ANKIB1: variants seen among roughly 807,000 people sequenced by gnomAD.
ANKIB1 encodes the protein ankyrin repeat and IBR domain-containing protein 1.
In ANKIB1, 43 loss-of-function variants were observed where a neutral mutation model predicts 122.1. The ratio of observed to expected loss-of-function variants is 0.35; its 90% CI spans 0.28 to 0.45. The LOEUF is 0.45. Among genes scored for constraint, ANKIB1 ranks in the 20% least tolerant of loss-of-function variants. The probability of loss-of-function intolerance (pLI) is 1.00; values close to 1 mark genes in which losing one functional copy is unlikely to be tolerated. For missense variants in ANKIB1, 992 were observed against 1,329.5 expected (o/e 0.75, Z 3.95); for synonymous variants, 390 against 442.0 (o/e 0.88, Z 1.48).
At chr7:92,368,544 C>T (rs1289818125) in intron 10 of ANKIB1, among the ~76,000 whole-genome samples, 1 of 151,840 alleles carries the variant, frequency 6.6e-6, no homozygotes, top group Non-Finnish European at 1.5e-5. Flanking sequence ...TGGTGAAACC[C>T]CGTCTCTACT....
At chr7:92,295,668 AT>A (rs996064050) in intron 2 of ANKIB1, among the ~76,000 whole-genome samples, 3 of 152,178 alleles carry the variant, frequency 2.0e-5, no homozygotes, top group Non-Finnish European at 4.4e-5. Context: ...ATCAGTTTGA[AT>A]TTCCTTTCTT....
chr7:92,394,307 C>T (rs1249681857), intron 17 of ANKIB1, among the ~76,000 whole-genome samples: 1 of 152,162 alleles, frequency 6.6e-6, no homozygotes, highest in Non-Finnish European at 1.5e-5. Context: ...GTATCCTTAA[C>T]ATTCTCAAAC....
chr7:92,279,397 A>G (rs952688255), intron 1 of ANKIB1, among the ~76,000 whole-genome samples: 14 of 152,214 alleles, frequency 9.2e-5, no homozygotes, highest in African/African-American at 3.1e-4. Flanking sequence ...TAAGAATGCA[A>G]TTAGCCACTT....
intron 5 of ANKIB1, among the ~76,000 whole-genome samples, chr7:92,338,086 A>G (rs1358733288): frequency 6.6e-6 from 1 of 152,116 alleles, no homozygotes; most frequent in Admixed American, 6.6e-5. Context: ...GAGAACGATA[A>G]GTCAAAGAAA....
At position 92,370,135 on chromosome 7, in the gene ANKIB1, A is replaced by G. The variant is rs573662696; in HGVS notation, c.1487-1342A>G. The stretch of plus-strand genomic sequence containing the variant: ...TCTTGTAGTCAATGGGGAGCAAATT[A>G]AAAGATTTTAAGTGGTGTGTATTCT... On this transcript the variant is annotated intron_variant, in intron 10 of 19. Transcript: ENST00000265742. 6.6e-5 allele frequency among the ~76,000 whole-genome samples: 10 copies of G among 152,244 alleles called. No individual in the cohort carries two copies. The East Asian group carries it at 1.9e-3, about 29-fold the overall frequency.
At chr7:92,343,689 A>G (rs1435561073) in intron 6 of ANKIB1, among the ~76,000 whole-genome samples, 2 of 152,302 alleles carry the variant, frequency 1.3e-5, no homozygotes, top group Middle Eastern at 3.4e-3. Flanking sequence ...ACATATATAC[A>G]TCATATTGAA....
chr7:92,395,223 T>C (rs1212907742), intron 17 of ANKIB1, among the ~76,000 whole-genome samples: 1 of 152,184 alleles, frequency 6.6e-6, no homozygotes, highest in Non-Finnish European at 1.5e-5. Flanking sequence ...ACTTTAAACA[T>C]TGTCACAAAT....
chr7:92,365,498 G>A (rs988222156), intron 10 of ANKIB1, among the ~76,000 whole-genome samples: 1 of 152,184 alleles, frequency 6.6e-6, no homozygotes, highest in African/African-American at 2.4e-5. Flanking sequence ...TGTGCAGACA[G>A]GAGTCCAAAT....
rs1585145034 is a variant in ANKIB1 at position 92,398,841 on chromosome 7, A to T, written c.3162A>T (p.Gln1054His). 1.9e-6 allele frequency: 3 copies of T among 1,604,416 alleles called. No homozygotes were observed. In the East Asian group the frequency reaches 6.7e-5, roughly 36 times the overall value. ...ENILAGEAAS[Q>H]AGDSGNEAAN... The stretch of plus-strand genomic sequence containing the variant: ...TTCTGGCGGGGGAAGCAGCATCTCA[A>T]GCTGGTGACAGTGGTAACGAGGCAG... Residue 1054 changes from glutamine to histidine, a missense_variant, in exon 20 of 20, where the codon CAA becomes CAT. By Grantham distance (24) the Gln-to-His change is conservative. Around this residue, in one of 4 missense-constraint regions of ANKIB1, gnomAD observed 384 missense variants for 412.0 expected, o/e 0.93. Transcript: ENST00000265742.
chr7:92,283,158 G>A (rs769646027), intron 1 of ANKIB1, among the ~76,000 whole-genome samples: 8 of 152,104 alleles, frequency 5.3e-5, no homozygotes, highest in Non-Finnish European at 1.0e-4. Flanking sequence ...AACTGCCATA[G>A]ATATTTTTAT....
chr7:92,396,189 C>T, intron 17 of ANKIB1, 176 bp from the exon 18 acceptor site: 1 of 586,074 alleles, frequency 1.7e-6, no homozygotes, highest in Non-Finnish European at 3.0e-6. Context: ...TTTCTTTTTC[C>T]ATTTTACCTT....
At position 92,398,774 on chromosome 7, in the gene ANKIB1, G is replaced by A. The variant is rs757583305; in HGVS notation, c.3095G>A (p.Gly1032Asp). The change falls in exon 20 of 20, where the codon GGT becomes GAT. Residue 1032 changes from glycine (G) to aspartate (D), a missense_variant. Gly to Asp is a moderately conservative substitution (Grantham distance 94). Around this residue, in one of 4 missense-constraint regions of ANKIB1, gnomAD observed 384 missense variants for 412.0 expected, o/e 0.93. Transcript: ENST00000265742. Reference protein sequence around the residue: ...SMFEDASVSEGRGTQIEENPL... With the variant: ...SMFEDASVSEDRGTQIEENPL... Reference sequence around the variant, plus strand: ...TTTGAAGATGCCAGTGTCAGTGAAGGTAGAGGAACCCAGATAGAAGAAAAT... The same window carrying A: ...TTTGAAGATGCCAGTGTCAGTGAAGATAGAGGAACCCAGATAGAAGAAAAT... 1.2e-6 allele frequency: 2 copies of A among 1,613,040 alleles called. No individual in the cohort carries two copies. The highest frequency in any genetic ancestry group is 4.5e-5 in the East Asian group (2 of 44,790).
chr7:92,361,434 TA>T (rs1803942573), intron 9 of ANKIB1, among the ~76,000 whole-genome samples: 1 of 152,226 alleles, frequency 6.6e-6, no homozygotes, highest in Admixed American at 6.5e-5. Flanking sequence ...GTTCATTTGG[TA>T]ATTTTGATAA....
chr7:92,298,895 A>G (rs1323188147), intron 2 of ANKIB1, among the ~76,000 whole-genome samples: 1 of 152,204 alleles, frequency 6.6e-6, no homozygotes, highest in Non-Finnish European at 1.5e-5. Flanking sequence ...ACTTCAAGGT[A>G]TGCATAAAGC....
chr7:92,275,773 G>A (rs1023698834), intron 1 of ANKIB1, among the ~76,000 whole-genome samples: 3 of 152,066 alleles, frequency 2.0e-5, no homozygotes, highest in Admixed American at 6.6e-5. Context: ...TGACAGTTGG[G>A]GTACATAATG....
intron 3 of ANKIB1, among the ~76,000 whole-genome samples, chr7:92,315,441 A>G (rs749514818): frequency 2.1e-4 from 32 of 152,236 alleles, no homozygotes; most frequent in Non-Finnish European, 4.3e-4. Flanking sequence ...AAGATAATGT[A>G]TAGATGAGAG....
intron 11 of ANKIB1, among the ~76,000 whole-genome samples, chr7:92,381,714 C>T (rs192980996): frequency 3.9e-4 from 60 of 152,272 alleles, no homozygotes; most frequent in African/African-American, 1.4e-3. Flanking sequence ...CACCACCAGA[C>T]CTGCCTTATA....
At chr7:92,360,856 C>T (rs905997086) in intron 9 of ANKIB1, among the ~76,000 whole-genome samples, 1 of 152,028 alleles carries the variant, frequency 6.6e-6, no homozygotes, top group Non-Finnish European at 1.5e-5. Context: ...TCTTAACACA[C>T]ATAACTTTTT....
chr7:92,247,265 A>G (rs1381856821), intron 1 of ANKIB1, among the ~76,000 whole-genome samples: 2 of 152,196 alleles, frequency 1.3e-5, no homozygotes, highest in Non-Finnish European at 2.9e-5. Context: ...CAAATAGTGT[A>G]TTTTAGATAC....
Sources: allele counts gnomAD v4.1 joint callset (sites outside exome capture counted in the v4.1 genomes callset), GRCh38; gene constraint gnomAD v4.1.1; regional missense constraint gnomAD v4.1.1; transcripts MANE v1.5; gene names NCBI Gene and HGNC (gene_info 2026-07-23, HGNC 2026-07-21).